The following DERA variants were observed in gnomAD, a reference collection of about 807,000 sequenced individuals.
The protein encoded by DERA is 2-deoxy-D-ribose 5-phosphate aldolase.
DERA carries 15 observed loss-of-function variants against 41.1 expected under a neutral mutation model. The ratio of observed to expected loss-of-function variants is 0.37; its 90% CI spans 0.24 to 0.56. DERA has a LOEUF of 0.56. DERA is among the 20% of genes least tolerant of loss of function. The pLI, the probability that DERA is intolerant of heterozygous loss-of-function variation, is 0.81. For synonymous variants in DERA, 139 were observed against 137.4 expected (o/e 1.01, Z -0.08); for missense variants, 396 against 403.4 (o/e 0.98, Z 0.16).
chr12:15,951,896 G>C (rs913511523), intron 1 of DERA, among the ~76,000 whole-genome samples: 1 of 151,278 alleles, frequency 6.6e-6, no homozygotes, highest in African/African-American at 2.4e-5. Context: ...GATGTACCTC[G>C]TTCTTTTTTT....
chr12:15,947,937 A>G (rs1252823790), intron 1 of DERA, among the ~76,000 whole-genome samples: 2 of 151,286 alleles, frequency 1.3e-5, no homozygotes, highest in Admixed American at 1.3e-4. Context: ...TTGCTTGTCA[A>G]GAATTTTATT....
intron 1 of DERA, among the ~76,000 whole-genome samples, chr12:15,914,203 A>C (rs1948183297): frequency 6.6e-6 from 1 of 152,010 alleles, no homozygotes; most frequent in Non-Finnish European, 1.5e-5. Flanking sequence ...CCAACATGGC[A>C]AAACCCTATC....
rs1382082916 is a variant in DERA, at chr12:16,011,951, G to A, written c.638-20591G>A. 6.6e-6 allele frequency among the ~76,000 whole-genome samples: 1 copy of A among 152,060 alleles called. No individual in the cohort carries two copies. Among genetic ancestry groups the A allele is most frequent in the East Asian group, 1.9e-4 (1 of 5,182 alleles). On this transcript the variant is annotated intron_variant, in intron 6 of 8. Coordinates refer to ENST00000428559, the MANE Select transcript of DERA (RefSeq NM_015954.4). The surrounding 1 kb of genome is among the most constrained non-coding windows in gnomAD (Gnocchi z 4.7). ...TGCCACTGGCTCTCTAAAAAACAGAGGATAATGTGATAGAGACAGATAAAG... is the reference window on the plus strand; with the variant it reads ...TGCCACTGGCTCTCTAAAAAACAGAAGATAATGTGATAGAGACAGATAAAG...
rs1169079212 is a variant in DERA at position 15,931,923 on chromosome 12, C to T, written c.31+20509C>T. Reference sequence around the variant, plus strand: ...TTTTGCACATACCTGCTACCTTTCACGTGTCCGCTTCCCCTTTGACCTTTT... The same window carrying T: ...TTTTGCACATACCTGCTACCTTTCATGTGTCCGCTTCCCCTTTGACCTTTT... On this transcript the variant is annotated intron_variant, in intron 1 of 8. Transcript: ENST00000428559. The surrounding 1 kb of genome is among the most constrained non-coding windows in gnomAD (Gnocchi z 4.6). Among the ~76,000 whole-genome samples the T allele has an allele frequency of 2.0e-5, 3 of 152,140 alleles. No homozygotes were observed. The highest frequency in any genetic ancestry group is 1.5e-5 in the Non-Finnish European group (1 of 68,024).
Position 16,008,321 on chromosome 12 carries a change from A to G in DERA, c.638-24221A>G, listed in dbSNP as rs976341458. On this transcript the variant is annotated intron_variant, in intron 6 of 8. Transcript: ENST00000428559. The surrounding 1 kb of genome is among the most constrained non-coding windows in gnomAD (Gnocchi z 4.8). ...TAATATTTCCTAATAGCTTTCTCAA[A>G]TCTCTCCTGCCTTGGTCCTTTCCTT... 2.6e-5 allele frequency among the ~76,000 whole-genome samples: 4 copies of G among 152,064 alleles called. No individual in the cohort carries two copies. Among genetic ancestry groups the G allele is most frequent in the Non-Finnish European group, 4.4e-5 (3 of 68,006 alleles).
At chr12:16,002,142 T>TGA (rs1948879850) in intron 6 of DERA, among the ~76,000 whole-genome samples, 1 of 122,218 alleles carries the variant, frequency 8.2e-6, no homozygotes, top group African/African-American at 3.1e-5. Flanking sequence ...CCCTCCCCCT[T>TGA]CCCCACAACA....
Position 15,984,072 on chromosome 12 carries a change from TAA to T in DERA, c.637+1639_637+1640del, listed in dbSNP as rs1436990696. On this transcript the variant is annotated intron_variant, in intron 6 of 8. Coordinates refer to ENST00000428559, the MANE Select transcript of DERA (RefSeq NM_015954.4). The surrounding 1 kb of genome is among the most constrained non-coding windows in gnomAD (Gnocchi z 4.5). The stretch of plus-strand genomic sequence containing the variant: ...GTGATTGTTAGCCCAGGTAACAAAG[TAA>T]AAGTTTGGAAACGAATAACAGCAGC... 6.6e-6 allele frequency among the ~76,000 whole-genome samples: 1 copy of T among 152,104 alleles called. No individual in the cohort carries two copies. The highest frequency in any genetic ancestry group is 6.5e-5 in the Admixed American group (1 of 15,276).
intron 6 of DERA, among the ~76,000 whole-genome samples, chr12:16,007,858 T>C (rs888147620): frequency 6.6e-6 from 1 of 152,136 alleles, no homozygotes; most frequent in African/African-American, 2.4e-5. Context: ...TGTTTTGTTT[T>C]GTTTTGTTTT....
chr12:15,993,127 A>G lies in DERA; in HGVS notation c.637+10691A>G, dbSNP rs552324335. ...GAGGGAACATTCAAAATTCAACCCAATAAGATCAAAGTAATACAGAAACAA... is the reference window on the plus strand; with the variant it reads ...GAGGGAACATTCAAAATTCAACCCAGTAAGATCAAAGTAATACAGAAACAA... On this transcript the variant is annotated intron_variant, in intron 6 of 8. Transcript: ENST00000428559. The surrounding 1 kb of genome is among the most constrained non-coding windows in gnomAD (Gnocchi z 4.4). Among the ~76,000 whole-genome samples the G allele has an allele frequency of 1.3e-5, 2 of 152,262 alleles. No individual in the cohort carries two copies. The highest frequency in any genetic ancestry group is 6.5e-5 in the Admixed American group (1 of 15,290).
chr12:15,913,771 A>C lies in DERA; in HGVS notation c.31+2357A>C, dbSNP rs939230583. Among the ~76,000 whole-genome samples, 2 of 152,220 alleles carry C rather than the reference A, an allele frequency of 1.3e-5. No homozygotes were observed. The highest frequency in any genetic ancestry group is 2.9e-5 in the Non-Finnish European group (2 of 68,044). ...GATGTATGAAAGATGTTTTCCAAAT[A>C]GGGAATGTACCCTCTAGCTTTCATA... On this transcript the variant is annotated intron_variant, in intron 1 of 8. Transcript: ENST00000428559. This position sits in a 1 kb window ranked among gnomAD's most constrained non-coding sequence, Gnocchi z 4.5.
At chr12:15,942,597 C>T (rs564022275) in intron 1 of DERA, among the ~76,000 whole-genome samples, 2 of 152,314 alleles carry the variant, frequency 1.3e-5, no homozygotes, top group South Asian at 4.1e-4. Context: ...GTTTTCCTAG[C>T]ACCATTTATT....
At position 15,922,042 on chromosome 12, in the gene DERA, CATT is replaced by C. The variant is rs1382711703; in HGVS notation, c.31+10634_31+10636del. Among the ~76,000 whole-genome samples, 1 of 152,134 alleles carries C rather than the reference CATT, an allele frequency of 6.6e-6. No individual in the cohort carries two copies. The highest frequency in any genetic ancestry group is 1.5e-5 in the Non-Finnish European group (1 of 68,028). ...AACTTTTGACTTCTTAGGAGGCAATCATTATTATAATCTCAAAGTCATTCATTC... is the reference window on the plus strand; with the variant it reads ...AACTTTTGACTTCTTAGGAGGCAATCATTATAATCTCAAAGTCATTCATTC... On this transcript the variant is annotated intron_variant, in intron 1 of 8. Coordinates refer to ENST00000428559, the MANE Select transcript of DERA (RefSeq NM_015954.4). The surrounding 1 kb of genome is among the most constrained non-coding windows in gnomAD (Gnocchi z 4.9).
rs1028424078 is a variant in DERA at position 15,965,036 on chromosome 12, C to A, written c.508+2089C>A. 6.6e-6 allele frequency among the ~76,000 whole-genome samples: 1 copy of A among 152,140 alleles called. No individual in the cohort carries two copies. Among genetic ancestry groups the A allele is most frequent in the African/African-American group, 2.4e-5 (1 of 41,440 alleles). ...AACATTTAATACTAGAAATTTAATTCTAAATAGAAACCTGAAATGACTTAG... is the reference window on the plus strand; with the variant it reads ...AACATTTAATACTAGAAATTTAATTATAAATAGAAACCTGAAATGACTTAG... On this transcript the variant is annotated intron_variant, in intron 5 of 8. Transcript: ENST00000428559. The surrounding 1 kb of genome is among the most constrained non-coding windows in gnomAD (Gnocchi z 4.1).
rs113965892 is a variant in DERA, at chr12:16,008,391, G to A, written c.638-24151G>A. 1.3e-3 allele frequency among the ~76,000 whole-genome samples: 199 copies of A among 152,322 alleles called. 4 individuals are homozygous for A. The highest frequency in any genetic ancestry group is 4.5e-3 in the African/African-American group (188 of 41,570). On this transcript the variant is annotated intron_variant, in intron 6 of 8. Coordinates refer to ENST00000428559, the MANE Select transcript of DERA (RefSeq NM_015954.4). This position sits in a 1 kb window ranked among gnomAD's most constrained non-coding sequence, Gnocchi z 4.8. The stretch of plus-strand genomic sequence containing the variant: ...ACTCTGACTCCTGTCTGATTTGCCA[G>A]TGTAGATGGGGTGGGGAATTACCTG...
At chr12:15,961,883 A>G (rs1948590693) in intron 4 of DERA, among the ~76,000 whole-genome samples, 1 of 152,180 alleles carries the variant, frequency 6.6e-6, no homozygotes, top group Non-Finnish European at 1.5e-5. Context: ...AGCTAGGGCT[A>G]CAGGTGTGCA....
rs989878600 is a variant in DERA, at chr12:15,943,063, G to A, written c.32-13873G>A. Among the ~76,000 whole-genome samples, 2 of 152,138 alleles carry A rather than the reference G, an allele frequency of 1.3e-5. No homozygotes were observed. The highest frequency in any genetic ancestry group is 2.4e-5 in the African/African-American group (1 of 41,432). ...TAGAGTGGTTGGGGAGAGGGACAGCGATGTCACCCCTGACAGTGTGTTCTA... is the reference window on the plus strand; with the variant it reads ...TAGAGTGGTTGGGGAGAGGGACAGCAATGTCACCCCTGACAGTGTGTTCTA... On this transcript the variant is annotated intron_variant, in intron 1 of 8. Transcript: ENST00000428559. The surrounding 1 kb of genome is among the most constrained non-coding windows in gnomAD (Gnocchi z 4.5).
At chr12:15,916,533 C>T (rs1453002463) in intron 1 of DERA, among the ~76,000 whole-genome samples, 2 of 151,098 alleles carry the variant, frequency 1.3e-5, no homozygotes, top group African/African-American at 4.9e-5. Context: ...TCACTGCAAC[C>T]TCCGCCTCCC....
intron 6 of DERA, among the ~76,000 whole-genome samples, chr12:16,031,396 G>A (rs1565619705): frequency 6.6e-6 from 1 of 152,154 alleles, no homozygotes; most frequent in Non-Finnish European, 1.5e-5. Flanking sequence ...ATGGACTTTG[G>A]GAGGATCTCA....
In DERA at chr12:16,012,373, T is replaced by C. The variant is rs1948952246; in HGVS notation, c.638-20169T>C. Among the ~76,000 whole-genome samples the C allele has an allele frequency of 6.6e-6, 1 of 152,158 alleles. No individual in the cohort carries two copies. Among genetic ancestry groups the C allele is most frequent in the African/African-American group, 2.4e-5 (1 of 41,438 alleles). On this transcript the variant is annotated intron_variant, in intron 6 of 8. Transcript: ENST00000428559. This position sits in a 1 kb window ranked among gnomAD's most constrained non-coding sequence, Gnocchi z 4.1. ...TAAGAGACATTGAAACCACTGAAAA[T>C]ACTCATGACAGAGGAAACTGTATTT...
Sources: gnomAD v4.1 joint callset for allele counts (sites outside exome capture counted in the v4.1 genomes callset) on GRCh38, gnomAD v4.1.1 for gene constraint, Gnocchi (gnomAD v3.1) non-coding constraint, MANE v1.5 for transcripts, NCBI Gene and HGNC (gene_info 2026-07-23, HGNC 2026-07-21) for gene names.